Variants in ADGRL2 observed in about 807,000 individuals in gnomAD.
ADGRL2 encodes the protein adhesion G protein-coupled receptor L2.
A neutral mutation model predicts 157.4 loss-of-function variants in ADGRL2; 44 were observed. The observed-to-expected ratio is 0.28, with a 90% CI of 0.22 to 0.36. The LOEUF (loss-of-function observed/expected upper bound fraction) is 0.36. ADGRL2 is among the 10% of genes least tolerant of loss of function. The pLI is 1.00. For synonymous variants in ADGRL2, 585 were observed against 624.7 expected (o/e 0.94, Z 0.95); for missense variants, 1,510 against 1,768.9 (o/e 0.85, Z 2.63).
intron 1 of ADGRL2, among the ~76,000 whole-genome samples, chr1:81,740,611 C>T (rs893425251): frequency 5.3e-5 from 8 of 152,076 alleles, no homozygotes; most frequent in Admixed American, 2.6e-4. Context: ...CAGACATACA[C>T]GGGTACATGT....
chr1:81,611,705 C>T (rs1326172493), intron 3 of ADGRL2, among the ~76,000 whole-genome samples: 2 of 151,806 alleles, frequency 1.3e-5, no homozygotes, highest in Non-Finnish European at 2.9e-5. Flanking sequence ...ACCAAAACCA[C>T]CTGGGGGGCT....
intron 1 of ADGRL2, among the ~76,000 whole-genome samples, chr1:81,330,834 T>C: frequency 6.6e-6 from 1 of 152,210 alleles, no homozygotes; most frequent in East Asian, 1.9e-4. Context: ...CATTTATGGA[T>C]ACCTGATAGG....
intron 1 of ADGRL2, among the ~76,000 whole-genome samples, chr1:81,401,523 T>C (rs2076755563): frequency 6.6e-6 from 1 of 152,232 alleles, no homozygotes; most frequent in Middle Eastern, 3.2e-3. Context: ...TTCTTTCATG[T>C]ATGCCAGCAC....
At chr1:81,843,248 T>C (rs1390339898) in intron 2 of ADGRL2, among the ~76,000 whole-genome samples, 1 of 152,096 alleles carries the variant, frequency 6.6e-6, no homozygotes, top group Non-Finnish European at 1.5e-5. Context: ...TTCTCCTGCC[T>C]CAGCCTCCCA....
chr1:81,778,178 C>G (rs2086664485), intron 2 of ADGRL2, among the ~76,000 whole-genome samples: 1 of 149,770 alleles, frequency 6.7e-6, no homozygotes, highest in African/African-American at 2.5e-5. Flanking sequence ...AAAAATTAGC[C>G]AAGCATGGTG....
chr1:81,440,331 C>T (rs963901834), intron 1 of ADGRL2, among the ~76,000 whole-genome samples: 1 of 152,150 alleles, frequency 6.6e-6, no homozygotes, highest in African/African-American at 2.4e-5. Flanking sequence ...CACTACTTCA[C>T]GTTGTGAAAA....
In ADGRL2 at chr1:81,920,903, A is replaced by G. The variant is rs189060149; in HGVS notation, c.287+13673A>G. 4.8e-3 allele frequency among the ~76,000 whole-genome samples: 729 copies of G among 152,196 alleles called. 14 individuals carry two copies. The highest frequency in any genetic ancestry group is 1.1e-3 in the Non-Finnish European group (74 of 67,992). ...AAAAAAGCCCAATTCAGGTCTAAAA[A>G]TGGCTTTTTGCACTCAAAACGTTTA... On this transcript the variant is annotated intron_variant, in intron 3 of 23. Coordinates refer to ENST00000686636, the MANE Select transcript of ADGRL2 (RefSeq NM_001366006.2).
At chr1:81,506,569 G>C (rs1273484600) in intron 2 of ADGRL2, among the ~76,000 whole-genome samples, 1 of 151,984 alleles carries the variant, frequency 6.6e-6, no homozygotes, top group Non-Finnish European at 1.5e-5. Context: ...AATTAGCCAG[G>C]TGTGTCAGTG....
intron 2 of ADGRL2, among the ~76,000 whole-genome samples, chr1:81,507,818 A>T (rs1228689646): frequency 6.6e-6 from 1 of 152,204 alleles, no homozygotes; most frequent in Non-Finnish European, 1.5e-5. Flanking sequence ...CTAAGGACAT[A>T]TCCCATTTTC....
chr1:81,573,839 C>A (rs919385933), intron 2 of ADGRL2, among the ~76,000 whole-genome samples: 3 of 152,100 alleles, frequency 2.0e-5, no homozygotes, highest in African/African-American at 7.2e-5. Context: ...AGGTGATCTA[C>A]CAAGTCTTAT....
At position 81,968,134 on chromosome 1, in the gene ADGRL2, C is replaced by CGAA. The variant is rs1467642091; in HGVS notation, c.2459_2461dup (p.Arg820dup). On this transcript the variant is annotated inframe_insertion, in exon 14 of 24. Coordinates refer to ENST00000686636, the MANE Select transcript of ADGRL2 (RefSeq NM_001366006.2). Reference sequence around the variant, plus strand: ...CAAGCTGGTTGACACTAATAAAACTCGAACAACGTGTGCATGCAGCCACCT... The same window carrying CGAA: ...CAAGCTGGTTGACACTAATAAAACTCGAAGAACAACGTGTGCATGCAGCCACCT... The CGAA allele has an allele frequency of 1.2e-6, 2 of 1,612,324 alleles. No homozygotes were observed. The highest frequency in any genetic ancestry group is 2.7e-5 in the African/African-American group (2 of 74,768).
intron 3 of ADGRL2, among the ~76,000 whole-genome samples, chr1:81,598,772 C>T (rs1287276953): frequency 6.6e-6 from 1 of 152,230 alleles, no homozygotes; most frequent in Non-Finnish European, 1.5e-5. Flanking sequence ...CTCAGTTTCA[C>T]AGTCGTGAAA....
chr1:81,717,059 G>A (rs578163248), intron 1 of ADGRL2, among the ~76,000 whole-genome samples: 130 of 152,252 alleles, frequency 8.5e-4, no homozygotes, highest in Non-Finnish European at 1.6e-3. Context: ...CTTGTTATTA[G>A]CATACATGAG....
chr1:81,680,503 AC>A (rs1208127720), intron 3 of ADGRL2, among the ~76,000 whole-genome samples: 1 of 152,040 alleles, frequency 6.6e-6, no homozygotes, highest in Non-Finnish European at 1.5e-5. Flanking sequence ...CCCAAATGCA[AC>A]CATCATGAGG....
chr1:81,824,948 C>T (rs938552677), intron 1 of ADGRL2, among the ~76,000 whole-genome samples: 4 of 127,904 alleles, frequency 3.1e-5, no homozygotes, highest in African/African-American at 1.2e-4. Context: ...TTTTAATTCT[C>T]CTCTCTCTCT....
intron 2 of ADGRL2, among the ~76,000 whole-genome samples, chr1:81,521,248 G>A (rs2079307631): frequency 6.6e-6 from 1 of 152,144 alleles, no homozygotes; most frequent in Non-Finnish European, 1.5e-5. Flanking sequence ...ACTGTCTCTT[G>A]TGGCTAATTA....
At chr1:81,680,636 C>T (rs995141963) in intron 3 of ADGRL2, among the ~76,000 whole-genome samples, 2 of 151,924 alleles carry the variant, frequency 1.3e-5, no homozygotes, top group South Asian at 4.1e-4. Context: ...GCTGTTTTCT[C>T]CATTATTTAA....
chr1:81,379,430 A>G (rs1403410240), intron 1 of ADGRL2, among the ~76,000 whole-genome samples: 1 of 152,146 alleles, frequency 6.6e-6, no homozygotes, highest in Non-Finnish European at 1.5e-5. Flanking sequence ...TATCACAAGG[A>G]GAGAGAGATT....
At chr1:81,727,812 A>AATAT (rs139067507) in intron 1 of ADGRL2, among the ~76,000 whole-genome samples, 188 of 150,006 alleles carry the variant, frequency 1.3e-3, no homozygotes, top group Admixed American at 2.7e-3. Flanking sequence ...GTGTGAATAA[A>AATAT]ATATATATAT....
Sources: gnomAD v4.1 joint callset for allele counts (sites outside exome capture counted in the v4.1 genomes callset) on GRCh38, gnomAD v4.1.1 for gene constraint, MANE v1.5 for transcripts, NCBI Gene and HGNC (gene_info 2026-07-23, HGNC 2026-07-21) for gene names.